The following APBB2 variants were observed in gnomAD, a reference collection of about 807,000 sequenced individuals.
APBB2 encodes the protein amyloid beta precursor protein binding family B member 2.
In APBB2, 38 loss-of-function variants were observed where a neutral mutation model predicts 82.5. The observed-to-expected ratio is 0.46, with a 90% CI of 0.36 to 0.60. The LOEUF (loss-of-function observed/expected upper bound fraction) is 0.60. APBB2 is among the 20% of genes least tolerant of loss of function. The pLI, the probability that APBB2 is intolerant of heterozygous loss-of-function variation, is 0.00. For missense variants in APBB2, 772 were observed against 972.3 expected, an observed-to-expected ratio of 0.79 and a Z score of 2.74; for synonymous variants, 341 against 368.2, an observed-to-expected ratio of 0.93 and a Z score of 0.85.
chr4:41,169,821 TAGG>T (rs1336888805), intron 1 of APBB2, among the ~76,000 whole-genome samples: 1 of 149,766 alleles, frequency 6.7e-6, no homozygotes. Context: ...CAAAAACGAA[TAGG>T]GGGGGAAAAA....
intron 1 of APBB2, among the ~76,000 whole-genome samples, chr4:41,170,605 G>C (rs908528879): frequency 5.3e-5 from 8 of 152,202 alleles, no homozygotes; most frequent in African/African-American, 1.4e-4. Context: ...GAAAGACCAA[G>C]AAAGAGTAAG....
chr4:40,994,306 C>T (rs1803015777), intron 6 of APBB2, among the ~76,000 whole-genome samples: 1 of 151,112 alleles, frequency 6.6e-6, no homozygotes, highest in African/African-American at 2.4e-5. Flanking sequence ...AAAAGAAACA[C>T]CTAGGAGTTC....
chr4:40,873,666 T>G (rs1306575900), intron 12 of APBB2, among the ~76,000 whole-genome samples: 4 of 152,220 alleles, frequency 2.6e-5, no homozygotes, highest in Admixed American at 2.6e-4. Flanking sequence ...GGCAAGCAAG[T>G]ATCTTTAGGG....
At chr4:41,166,371 T>C (rs1328715230) in intron 1 of APBB2, among the ~76,000 whole-genome samples, 1 of 150,490 alleles carries the variant, frequency 6.6e-6, no homozygotes, top group African/African-American at 2.4e-5. Flanking sequence ...GGCAAAAAAA[T>C]GGATCTGGAT....
chr4:40,899,874 G>C (rs1001704483), intron 10 of APBB2, among the ~76,000 whole-genome samples: 4 of 152,130 alleles, frequency 2.6e-5, no homozygotes, highest in African/African-American at 9.7e-5. Context: ...CAGGGGCCAG[G>C]AGCCAGTGAG....
chr4:41,016,003 T>G (rs918101708), intron 5 of APBB2, among the ~76,000 whole-genome samples: 2 of 152,242 alleles, frequency 1.3e-5, no homozygotes. Context: ...CAATTTATAA[T>G]TTAATTTCAC....
At chr4:41,195,140 T>A in intron 1 of APBB2, among the ~76,000 whole-genome samples, 1 of 152,122 alleles carries the variant, frequency 6.6e-6, no homozygotes, top group Non-Finnish European at 1.5e-5. Context: ...GTGACCGTTA[T>A]ACTCCCAAAC....
chr4:40,982,360 AAGGAAGGAAGGAAGG>A (rs1799074072), intron 6 of APBB2, among the ~76,000 whole-genome samples: 1 of 16,834 alleles, frequency 5.9e-5, no homozygotes, highest in African/African-American at 2.4e-4. Flanking sequence ...GGAAGGAAGG[AAGGAAGGAAGGAAGG>A]AAGGAAGGAA....
intron 3 of APBB2, among the ~76,000 whole-genome samples, chr4:41,099,778 A>C (rs1381071809): frequency 1.3e-5 from 2 of 152,224 alleles, no homozygotes; most frequent in East Asian, 3.8e-4. Context: ...TAGGAAGTTT[A>C]GAAAGCTATC....
chr4:41,010,300 A>G (rs959107683), intron 6 of APBB2, among the ~76,000 whole-genome samples: 1 of 152,176 alleles, frequency 6.6e-6, no homozygotes, highest in Non-Finnish European at 1.5e-5. Flanking sequence ...TGAAATACCT[A>G]TCCTCAGCAA....
chr4:41,145,619 T>C (rs543122048), intron 1 of APBB2, among the ~76,000 whole-genome samples: 5 of 152,196 alleles, frequency 3.3e-5, no homozygotes, highest in Non-Finnish European at 7.3e-5. Context: ...ATGAGTGCAC[T>C]GTGCTTGGGC....
intron 1 of APBB2, among the ~76,000 whole-genome samples, chr4:41,196,050 T>G: frequency 2.6e-5 from 4 of 151,982 alleles, no homozygotes; most frequent in Non-Finnish European, 4.4e-5. Flanking sequence ...TCCCAGCTAC[T>G]TGGGAGGCTG....
intron 10 of APBB2, among the ~76,000 whole-genome samples, chr4:40,906,351 G>A (rs1776696907): frequency 6.6e-6 from 1 of 151,420 alleles, no homozygotes; most frequent in African/African-American, 2.4e-5. Flanking sequence ...AGCTACTCAG[G>A]AGGCTGAGGT....
At chr4:40,909,005 T>C (rs1157916713) in intron 10 of APBB2, among the ~76,000 whole-genome samples, 1 of 152,124 alleles carries the variant, frequency 6.6e-6, no homozygotes, top group Non-Finnish European at 1.5e-5. Context: ...CTCCACACTG[T>C]TTTCCAGAGG....
intron 3 of APBB2, among the ~76,000 whole-genome samples, chr4:41,088,483 T>G (rs918764418): frequency 1.3e-5 from 2 of 152,180 alleles, no homozygotes; most frequent in Non-Finnish European, 2.9e-5. Context: ...ATCTGCGCTG[T>G]GAGAGGTGGA....
At chr4:40,817,801 C>T (rs1326842599) in intron 17 of APBB2, among the ~76,000 whole-genome samples, 1 of 152,130 alleles carries the variant, frequency 6.6e-6, no homozygotes, top group East Asian at 1.9e-4. Context: ...CCTTAGGCCA[C>T]AAAACAACCC....
At position 40,939,916 on chromosome 4, in the gene APBB2, T is replaced by G. The variant is rs184805180; in HGVS notation, c.1045-4777A>C. Among the ~76,000 whole-genome samples, 32 of 152,330 alleles carry G rather than the reference T, an allele frequency of 2.1e-4. No homozygotes were observed. The East Asian group carries it at 5.6e-3, about 27-fold the overall frequency. On this transcript the variant is annotated intron_variant, in intron 7 of 17. Transcript: ENST00000508593. Reference sequence around the variant, plus strand: ...TGGTTTGTGCAATTAAATCAGTCTCTGTGAGCAGCAGTGCAATGCAGAAAC... The same window carrying G: ...TGGTTTGTGCAATTAAATCAGTCTCGGTGAGCAGCAGTGCAATGCAGAAAC...
intron 6 of APBB2, among the ~76,000 whole-genome samples, chr4:40,965,208 T>C (rs1023678976): frequency 9.9e-5 from 15 of 151,768 alleles, no homozygotes. Context: ...AACAAGTAAG[T>C]CCATTAAATA....
At chr4:41,067,397 G>A (rs1246860314) in intron 3 of APBB2, among the ~76,000 whole-genome samples, 1 of 150,360 alleles carries the variant, frequency 6.7e-6, no homozygotes, top group African/African-American at 2.4e-5. Context: ...GGCAGCAAGA[G>A]TGAAACTCCG....
Sources: gnomAD v4.1 joint callset for allele counts (sites outside exome capture counted in the v4.1 genomes callset) on GRCh38, gnomAD v4.1.1 for gene constraint, MANE v1.5 for transcripts, NCBI Gene and HGNC (gene_info 2026-07-23, HGNC 2026-07-21) for gene names.